Variants in PCDHGB7 observed in about 807,000 individuals in gnomAD.
PCDHGB7 encodes protocadherin gamma subfamily B, 7, also known as protocadherin gamma-B7.
A neutral mutation model predicts 61.4 loss-of-function variants in PCDHGB7; 37 were observed. That is an observed-to-expected ratio of 0.60 (90% CI 0.46 to 0.79). PCDHGB7 has a LOEUF of 0.79. PCDHGB7 is among the 30% of genes least tolerant of loss of function. PCDHGB7 has a pLI of 0.00. For synonymous variants in PCDHGB7, 464 were observed against 503.5 expected (o/e 0.92, Z 1.05); for missense variants, 1,166 against 1,202.5 (o/e 0.97, Z 0.45).
intron 1 of PCDHGB7, among the ~76,000 whole-genome samples, chr5:141,474,280 C>A (rs1490512371): frequency 6.6e-6 from 1 of 152,136 alleles, no homozygotes; most frequent in African/African-American, 2.4e-5. Context: ...CTCTGAATAA[C>A]CCACTAGATC....
rs1399844519 is a variant in PCDHGB7 at position 141,477,484 on chromosome 5, A to G, written c.2416-17323A>G. 1.2e-6 allele frequency: 2 copies of G among 1,614,014 alleles called. No homozygotes were observed. The highest frequency in any genetic ancestry group is 1.7e-6 in the Non-Finnish European group (2 of 1,180,006). ...CCGACATCAATGACAACCCTCCACAATCTTCTCAATCTTCCTACGACGTTT... is the reference window on the plus strand; with the variant it reads ...CCGACATCAATGACAACCCTCCACAGTCTTCTCAATCTTCCTACGACGTTT... On this transcript the variant is annotated intron_variant, in intron 1 of 3. Coordinates refer to ENST00000398594, the MANE Select transcript of PCDHGB7 (RefSeq NM_018927.4). This position sits in a 1 kb window ranked among gnomAD's most constrained non-coding sequence, Gnocchi z 4.9.
In PCDHGB7 at chr5:141,476,040, G is replaced by A; in HGVS notation, c.2416-18767G>A. 2.0e-6 allele frequency: 3 copies of A among 1,488,704 alleles called. No individual in the cohort carries two copies. Among genetic ancestry groups the A allele is most frequent in the Admixed American group, 2.2e-5 (1 of 44,984 alleles). 92.2% of individuals were successfully genotyped at this position (1,488,704 alleles called of 1,614,324 possible). On this transcript the variant is annotated intron_variant, in intron 1 of 3. Coordinates refer to ENST00000398594, the MANE Select transcript of PCDHGB7 (RefSeq NM_018927.4). The surrounding 1 kb of genome is among the most constrained non-coding windows in gnomAD (Gnocchi z 7.6). The stretch of plus-strand genomic sequence containing the variant: ...CGGACTCGGCGCCCAGCGCCCAAGC[G>A]CTAACCCGCTGAAAGTTTCTCAGCG...
In PCDHGB7 at chr5:141,431,135, A is replaced by T. The variant is rs140069213; in HGVS notation, c.2415+10861A>T. On this transcript the variant is annotated intron_variant, in intron 1 of 3. Transcript: ENST00000398594. This position sits in a 1 kb window ranked among gnomAD's most constrained non-coding sequence, Gnocchi z 4.8. ...TGGAGTAGAAGTAGAAGTAAGGGAC[A>T]TTAACGACAATGCGCCTTACTTTCG... 1 of 1,614,266 alleles carries T rather than the reference A, an allele frequency of 6.2e-7. No homozygotes were observed. Among genetic ancestry groups the T allele is most frequent in the African/African-American group, 1.3e-5 (1 of 75,078 alleles).
chr5:141,445,889 C>A (rs920382027), intron 1 of PCDHGB7, among the ~76,000 whole-genome samples: 6 of 152,110 alleles, frequency 3.9e-5, no homozygotes, highest in African/African-American at 1.4e-4. Context: ...TACTTAGGAG[C>A]TATTAAAATA....
rs1590066119 is a variant in PCDHGB7, at chr5:141,417,816, C to G, written c.-44C>G. On this transcript the variant is annotated 5_prime_UTR_variant, in exon 1 of 4. Transcript: ENST00000398594. ...CTTTTAGCGCGGTAGAGTGCACTTT[C>G]TCCAACTGGAAAAGCGGGGACCCAG... is the stretch of plus-strand genomic sequence containing the variant. 3 of 1,511,044 alleles carry G rather than the reference C, an allele frequency of 2.0e-6. No homozygotes were observed. The East Asian group carries it at 7.4e-5, about 37-fold the overall frequency. 93.6% of individuals were successfully genotyped at this position (1,511,044 alleles called of 1,614,324 possible).
intron 1 of PCDHGB7, among the ~76,000 whole-genome samples, chr5:141,445,417 A>C (rs1483224509): frequency 6.6e-6 from 1 of 152,208 alleles, no homozygotes; most frequent in Non-Finnish European, 1.5e-5. Context: ...ACTGTCTGCT[A>C]TATGCAAGGC....
intron 1 of PCDHGB7, among the ~76,000 whole-genome samples, chr5:141,435,652 G>A (rs978809372): frequency 3.9e-5 from 6 of 152,226 alleles, no homozygotes; most frequent in East Asian, 1.9e-4. Flanking sequence ...TTTCTGAAAC[G>A]TGCACAGATT....
At chr5:141,506,609 T>C (rs1375963880) in intron 3 of PCDHGB7, among the ~76,000 whole-genome samples, 1 of 152,184 alleles carries the variant, frequency 6.6e-6, no homozygotes, top group African/African-American at 2.4e-5. Context: ...GATCTCATTG[T>C]GGTGTTACCA....
chr5:141,486,029 C>G lies in PCDHGB7; in HGVS notation c.2416-8778C>G. Reference sequence around the variant, plus strand: ...CACCTTTTATTTCAGTGGTCATACCCCTGATCGTGTAAGAAACCTCTTTAG... The same window carrying G: ...CACCTTTTATTTCAGTGGTCATACCGCTGATCGTGTAAGAAACCTCTTTAG... On this transcript the variant is annotated intron_variant, in intron 1 of 3. Transcript: ENST00000398594. The surrounding 1 kb of genome is among the most constrained non-coding windows in gnomAD (Gnocchi z 5.0). 6.2e-7 allele frequency: 1 copy of G among 1,614,016 alleles called. No homozygotes were observed. Among genetic ancestry groups the G allele is most frequent in the Non-Finnish European group, 8.5e-7 (1 of 1,179,900 alleles).
rs1437533706 is a variant in PCDHGB7, at chr5:141,511,419, G to C, written c.*246G>C. On this transcript the variant is annotated 3_prime_UTR_variant, in exon 4 of 4. Transcript: ENST00000398594. ...ATCCAATCAACTGCTGTACCCATGG[G>C]GGTAGTGGGGTTACTGTAGACACCA... The C allele has an allele frequency of 2.4e-6, 2 of 830,456 alleles. No individual in the cohort carries two copies. The highest frequency in any genetic ancestry group is 5.8e-5 in the East Asian group (2 of 34,260). 51.4% of individuals were successfully genotyped at this position (830,456 alleles called of 1,614,324 possible).
chr5:141,447,298 C>T lies in PCDHGB7; in HGVS notation c.2415+27024C>T, dbSNP rs187482431. 1.7e-3 allele frequency among the ~76,000 whole-genome samples: 260 copies of T among 152,214 alleles called. 2 individuals carry two copies. Among genetic ancestry groups the T allele is most frequent in the African/African-American group, 5.8e-3 (239 of 41,534 alleles). ...GGGACTACAGGCACATGCCACCACA[C>T]CCGGCTAATTTTTGTATTTTTAGTA... On this transcript the variant is annotated intron_variant, in intron 1 of 3. Coordinates refer to ENST00000398594, the MANE Select transcript of PCDHGB7 (RefSeq NM_018927.4).
rs1035125527 is a variant in PCDHGB7, at chr5:141,485,059, C to T, written c.2416-9748C>T. The T allele has an allele frequency of 7.0e-6, 6 of 858,958 alleles. No homozygotes were observed. The highest frequency in any genetic ancestry group is 2.4e-5 in the East Asian group (1 of 40,854). 53.2% of individuals were successfully genotyped at this position (858,958 alleles called of 1,614,324 possible). A position where few individuals can be genotyped will look rare whatever the true frequency, so the allele number is the denominator to read the frequency against. ...AACCCTTGCGGCGCCGGCCGAACCG[C>T]GCCAGAGCTGGCGCGGGGAAAGGGA... On this transcript the variant is annotated intron_variant, in intron 1 of 3. Coordinates refer to ENST00000398594, the MANE Select transcript of PCDHGB7 (RefSeq NM_018927.4). This position sits in a 1 kb window ranked among gnomAD's most constrained non-coding sequence, Gnocchi z 5.7.
intron 1 of PCDHGB7, among the ~76,000 whole-genome samples, chr5:141,456,824 G>C (rs2098890304): frequency 6.6e-6 from 1 of 152,052 alleles, no homozygotes; most frequent in African/African-American, 2.4e-5. Flanking sequence ...ATTAGCCATC[G>C]TGGTAGTGGG....
At chr5:141,510,898 T>C in intron 3 of PCDHGB7, 49 bp from the exon 4 acceptor site, 1 of 1,613,278 alleles carries the variant, frequency 6.2e-7, no homozygotes, top group Non-Finnish European at 8.5e-7. Context: ...ACAGTGACTG[T>C]TGAGGACCCT....
intron 1 of PCDHGB7, chr5:141,422,516 G>A (rs575294611): frequency 1.2e-6 from 2 of 1,614,014 alleles, no homozygotes; most frequent in African/African-American, 1.3e-5. Context: ...GACCAGGGAA[G>A]CCCGCCTTTG....
intron 2 of PCDHGB7, among the ~76,000 whole-genome samples, chr5:141,497,962 G>A (rs2099780751): frequency 6.6e-6 from 1 of 152,236 alleles, no homozygotes; most frequent in African/African-American, 2.4e-5. Context: ...TGGCCAGGCA[G>A]TGTTCTCGAT....
chr5:141,433,359 C>CTATCTATCTATA, intron 1 of PCDHGB7: 1 of 228,708 alleles, frequency 4.4e-6, no homozygotes, highest in South Asian at 4.1e-5. Context: ...TACTGTCTGC[C>CTATCTATCTATA]TATCTATCTA....
At chr5:141,428,100 G>C (rs1313410784) in intron 1 of PCDHGB7, 11 of 1,608,462 alleles carry the variant, frequency 6.8e-6, no homozygotes, top group Non-Finnish European at 9.3e-6. Context: ...GTCCTACCAC[G>C]TGCTGCAGGC....
In PCDHGB7 at chr5:141,485,669, T is replaced by G. The variant is rs754363407; in HGVS notation, c.2416-9138T>G. ...TCAGGATGCAGATGTGGGGAGCAATTCGATTAGCAGCTATAGGCTGAGCTC... is the reference window on the plus strand; with the variant it reads ...TCAGGATGCAGATGTGGGGAGCAATGCGATTAGCAGCTATAGGCTGAGCTC... On this transcript the variant is annotated intron_variant, in intron 1 of 3. Transcript: ENST00000398594. The surrounding 1 kb of genome is among the most constrained non-coding windows in gnomAD (Gnocchi z 5.7). 1.9e-6 allele frequency: 3 copies of G among 1,612,788 alleles called. 1 individual carries two copies. Among genetic ancestry groups the G allele is most frequent in the Admixed American group, 1.7e-5 (1 of 59,980 alleles).
Sources: allele counts gnomAD v4.1 joint callset (sites outside exome capture counted in the v4.1 genomes callset), GRCh38; gene constraint gnomAD v4.1.1; non-coding constraint Gnocchi (gnomAD v3.1); transcripts MANE v1.5; gene names NCBI Gene and HGNC (gene_info 2026-07-23, HGNC 2026-07-21).